Variants in PLPPR1 observed in about 807,000 individuals in gnomAD.
PLPPR1 encodes phospholipid phosphatase-related protein type 1.
PLPPR1 carries 10 observed loss-of-function variants against 33.1 expected under a neutral mutation model. The observed-to-expected ratio is 0.30, with a 90% CI of 0.19 to 0.51. PLPPR1 has a LOEUF of 0.51. Ranked by LOEUF, PLPPR1 falls within the 20% of genes least tolerant of loss-of-function variation. The probability of loss-of-function intolerance (pLI) is 0.97; values close to 1 mark genes in which losing one functional copy is unlikely to be tolerated. For missense variants in PLPPR1, 304 were observed against 408.1 expected (o/e 0.74, Z 2.20); for synonymous variants, 151 against 151.0 (o/e 1.00, Z 0.00).
intron 2 of PLPPR1, among the ~76,000 whole-genome samples, chr9:101,245,921 C>G (rs1277206583): frequency 1.3e-5 from 2 of 151,338 alleles, no homozygotes; most frequent in Non-Finnish European, 3.0e-5. Context: ...CTAGGTTATT[C>G]TAAATACATG....
At chr9:101,281,706 AAG>A (rs1051847484) in intron 3 of PLPPR1, among the ~76,000 whole-genome samples, 5 of 152,114 alleles carry the variant, frequency 3.3e-5, no homozygotes, top group Admixed American at 1.3e-4. Context: ...GACAAGAAAA[AAG>A]AGAAGATTCA....
chr9:101,312,902 C>G lies in PLPPR1; in HGVS notation c.741C>G (p.Val247=). 1 of 1,614,190 alleles carries G rather than the reference C, an allele frequency of 6.2e-7. No homozygotes were observed. The highest frequency in any genetic ancestry group is 8.5e-7 in the Non-Finnish European group (1 of 1,180,024). ...CTAFLTGLNR[V]SEYRNHCSDV... ...CCTTCCTGACAGGCCTCAACCGGGTCTCTGAGTATCGGAACCACTGCTCGG... is the reference window on the plus strand; with the variant it reads ...CCTTCCTGACAGGCCTCAACCGGGTGTCTGAGTATCGGAACCACTGCTCGG... Residue 247 remains valine (V), a synonymous_variant, in exon 6 of 8, where the codon GTC becomes GTG. Transcript: ENST00000374874.
At chr9:101,302,804 C>T (rs1053715255) in intron 4 of PLPPR1, among the ~76,000 whole-genome samples, 7 of 152,124 alleles carry the variant, frequency 4.6e-5, no homozygotes, top group African/African-American at 1.7e-4. Context: ...ATTTTGTGGA[C>T]ATCACGGTAG....
At chr9:101,285,261 G>A (rs987835591) in intron 3 of PLPPR1, among the ~76,000 whole-genome samples, 4 of 151,744 alleles carry the variant, frequency 2.6e-5, no homozygotes. Context: ...ACTGTGCTGG[G>A]TGCCATAAGG....
chr9:101,065,243 C>T (rs1483923599), intron 1 of PLPPR1, among the ~76,000 whole-genome samples: 10 of 152,180 alleles, frequency 6.6e-5, no homozygotes, highest in Admixed American at 2.0e-4. Flanking sequence ...ATGCACAGAA[C>T]GCTCTTTAAG....
At chr9:101,223,612 T>C (rs1304997204) in intron 2 of PLPPR1, among the ~76,000 whole-genome samples, 1 of 152,090 alleles carries the variant, frequency 6.6e-6, no homozygotes, top group Non-Finnish European at 1.5e-5. Flanking sequence ...CCCATGCTGT[T>C]CTCATGGTAG....
intron 5 of PLPPR1, among the ~76,000 whole-genome samples, chr9:101,311,928 A>T (rs1219397316): frequency 6.6e-6 from 1 of 152,196 alleles, no homozygotes; most frequent in East Asian, 1.9e-4. Context: ...TACTTACATG[A>T]AAAAGGCATG....
chr9:101,077,252 C>T (rs1588018214), intron 1 of PLPPR1, among the ~76,000 whole-genome samples: 7 of 152,210 alleles, frequency 4.6e-5, no homozygotes, highest in Admixed American at 2.0e-4. Context: ...TAGGACTAGA[C>T]AGGATTCCTA....
chr9:101,234,549 T>A (rs974475389), intron 2 of PLPPR1, among the ~76,000 whole-genome samples: 9 of 151,436 alleles, frequency 5.9e-5, no homozygotes, highest in Admixed American at 2.0e-4. Flanking sequence ...GTGTATTTTT[T>A]TAAAAAAAAA....
rs1588087698 is a variant in PLPPR1, at chr9:101,236,487, A to G, written c.64-33393A>G. 2.0e-5 allele frequency among the ~76,000 whole-genome samples: 3 copies of G among 151,434 alleles called. No homozygotes were observed. The South Asian group carries it at 6.2e-4, about 31-fold the overall frequency. ...AGGACAGAATGCCAGTAGAATATAT[A>G]ATTCCTATTTTTAAATCATAGACTA... is the stretch of plus-strand genomic sequence containing the variant. On this transcript the variant is annotated intron_variant, in intron 2 of 7. Transcript: ENST00000374874.
chr9:101,167,186 T>TGTGTG (rs1825872610), intron 1 of PLPPR1, among the ~76,000 whole-genome samples: 4 of 23,178 alleles, frequency 1.7e-4, no homozygotes, highest in Non-Finnish European at 5.1e-4. Flanking sequence ...GTGTGTGTCT[T>TGTGTG]TCTCTCTCTC....
At position 101,085,824 on chromosome 9, in the gene PLPPR1, G is replaced by A. The variant is rs1358451722; in HGVS notation, c.-46+56722G>A. On this transcript the variant is annotated intron_variant, in intron 1 of 7. Transcript: ENST00000374874. Reference sequence around the variant, plus strand: ...TAGCTTGTCCCCAGAACTTACTCTGGCTTCTTGGGGTTCCACTTCCCTCAT... The same window carrying A: ...TAGCTTGTCCCCAGAACTTACTCTGACTTCTTGGGGTTCCACTTCCCTCAT... Among the ~76,000 whole-genome samples, 6 of 152,088 alleles carry A rather than the reference G, an allele frequency of 3.9e-5. No individual in the cohort carries two copies. In the East Asian group the frequency reaches 1.2e-3, roughly 30 times the overall value.
intron 3 of PLPPR1, among the ~76,000 whole-genome samples, chr9:101,270,932 TAAA>T (rs1351731909): frequency 6.6e-6 from 1 of 152,136 alleles, no homozygotes; most frequent in Non-Finnish European, 1.5e-5. Flanking sequence ...TCGGCAGTAA[TAAA>T]AATACTGACT....
chr9:101,270,141 T>C lies in PLPPR1; in HGVS notation c.252+73T>C, dbSNP rs1164328853. The stretch of plus-strand genomic sequence containing the variant: ...TATTTTCTGTCTGCTTTTTCTCCTC[T>C]TTCTTCTCTTCCTGAGCATTCACCA... On this transcript the variant is annotated intron_variant, in intron 3 of 7. Coordinates refer to ENST00000374874, the MANE Select transcript of PLPPR1 (RefSeq NM_207299.2). 9.4e-6 allele frequency: 14 copies of C among 1,492,910 alleles called. No individual in the cohort carries two copies. In the Admixed American group the frequency reaches 1.1e-4, roughly 11 times the overall value. The allele number at this position is 1,492,910 out of a possible 1,614,324, so 92.5% of individuals were successfully genotyped here. A position where few individuals can be genotyped will look rare whatever the true frequency, so the allele number is the denominator to read the frequency against.
chr9:101,030,085 G>A (rs572156383), intron 1 of PLPPR1, among the ~76,000 whole-genome samples: 1 of 151,936 alleles, frequency 6.6e-6, no homozygotes, highest in Non-Finnish European at 1.5e-5. Context: ...TATCTCTTCG[G>A]CCCGACGGAA....
chr9:101,323,510 C>T (rs1434932066), intron 7 of PLPPR1, among the ~76,000 whole-genome samples: 1 of 149,138 alleles, frequency 6.7e-6, no homozygotes. Flanking sequence ...AGAAGTTATC[C>T]TATTTTGGAT....
chr9:101,219,195 T>C (rs1162562023), intron 2 of PLPPR1, among the ~76,000 whole-genome samples: 1 of 152,194 alleles, frequency 6.6e-6, no homozygotes, highest in Admixed American at 6.5e-5. Context: ...CCTCTCACTG[T>C]AGGTGGATGG....
chr9:101,200,714 C>T (rs1056608110), intron 2 of PLPPR1, among the ~76,000 whole-genome samples: 13 of 152,166 alleles, frequency 8.5e-5, no homozygotes, highest in South Asian at 2.1e-4. Context: ...ACCCAACCAA[C>T]GCATTTTAAT....
At chr9:101,283,004 A>G (rs1173064895) in intron 3 of PLPPR1, among the ~76,000 whole-genome samples, 2 of 152,146 alleles carry the variant, frequency 1.3e-5, no homozygotes, top group East Asian at 1.9e-4. Context: ...CAAAATATCA[A>G]TGATACATTT....
Sources: gnomAD v4.1 joint callset for allele counts (sites outside exome capture counted in the v4.1 genomes callset) on GRCh38, gnomAD v4.1.1 for gene constraint, MANE v1.5 for transcripts, NCBI Gene and HGNC (gene_info 2026-07-23, HGNC 2026-07-21) for gene names.